ST3GAL1: variants seen among roughly 807,000 people sequenced by gnomAD.
The protein encoded by ST3GAL1 is CMP-N-acetylneuraminate-beta-galactosamide-alpha-2,3-sialyltransferase 1.
Under a neutral mutation model 34.1 loss-of-function variants are expected in ST3GAL1, and 16 were observed. The observed-to-expected ratio is 0.47, with a 90% confidence interval of 0.32 to 0.71. The LOEUF (loss-of-function observed/expected upper bound fraction) is 0.71, where lower values mean the gene tolerates loss of function less well. Ranked by LOEUF, ST3GAL1 falls within the 30% of genes least tolerant of loss-of-function variation. The pLI is 0.04. For missense variants in ST3GAL1, 353 were observed against 447.4 expected (o/e 0.79, Z 1.90); for synonymous variants, 191 against 184.7 (o/e 1.03, Z -0.28).
At chr8:133,493,151 G>T (rs967210919) in intron 3 of ST3GAL1, among the ~76,000 whole-genome samples, 1 of 152,156 alleles carries the variant, frequency 6.6e-6, no homozygotes, top group African/African-American at 2.4e-5. Flanking sequence ...AGGACTGGAC[G>T]CACTGTCCCC....
At chr8:133,471,484 C>T (rs956704177) in intron 5 of ST3GAL1, among the ~76,000 whole-genome samples, 3 of 152,218 alleles carry the variant, frequency 2.0e-5, no homozygotes, top group African/African-American at 7.2e-5. Context: ...GGCAGCTTCT[C>T]ACTGAGTTTC....
At chr8:133,507,223 T>A (rs1817369764) in intron 2 of ST3GAL1, among the ~76,000 whole-genome samples, 1 of 152,224 alleles carries the variant, frequency 6.6e-6, no homozygotes, top group African/African-American at 2.4e-5. Context: ...AAGATGGACA[T>A]TCTCAACTCC....
chr8:133,500,431 T>G (rs1018257015), intron 2 of ST3GAL1, among the ~76,000 whole-genome samples: 3 of 152,206 alleles, frequency 2.0e-5, no homozygotes, highest in Non-Finnish European at 4.4e-5. Flanking sequence ...TAAGTACTTT[T>G]CAGAACAAGC....
chr8:133,460,613 C>T (rs1275206040), intron 9 of ST3GAL1, among the ~76,000 whole-genome samples: 1 of 152,210 alleles, frequency 6.6e-6, no homozygotes, highest in Non-Finnish European at 1.5e-5. Context: ...TGATCAGATG[C>T]CAGCTGGGCA....
chr8:133,525,243 T>G (rs981536993), intron 2 of ST3GAL1, among the ~76,000 whole-genome samples: 2 of 152,140 alleles, frequency 1.3e-5, no homozygotes, highest in Admixed American at 1.3e-4. Context: ...AGAAGACACA[T>G]AGTGGGTAGC....
At chr8:133,551,590 GA>G (rs1254196362) in intron 1 of ST3GAL1, among the ~76,000 whole-genome samples, 4 of 150,058 alleles carry the variant, frequency 2.7e-5, no homozygotes, top group African/African-American at 7.5e-5. Flanking sequence ...AAGAAAGAAA[GA>G]AAGAAAGAAA....
chr8:133,559,509 TA>T (rs979848888), intron 1 of ST3GAL1, among the ~76,000 whole-genome samples: 1 of 152,244 alleles, frequency 6.6e-6, no homozygotes, highest in Admixed American at 6.5e-5. Flanking sequence ...GACTGAATTT[TA>T]AAACATAAGA....
intron 3 of ST3GAL1, among the ~76,000 whole-genome samples, chr8:133,484,876 G>A (rs1453125975): frequency 6.6e-6 from 1 of 152,174 alleles, no homozygotes; most frequent in Non-Finnish European, 1.5e-5. Context: ...CTTTGCTGAT[G>A]TCCTTAACCC....
At chr8:133,501,930 G>T (rs938011364) in intron 2 of ST3GAL1, among the ~76,000 whole-genome samples, 3 of 152,148 alleles carry the variant, frequency 2.0e-5, no homozygotes, top group Admixed American at 1.3e-4. Flanking sequence ...ATGGTGGCTT[G>T]GCCAAAGTCT....
chr8:133,551,588 AAG>A (rs1440624288), intron 1 of ST3GAL1, among the ~76,000 whole-genome samples: 1 of 149,526 alleles, frequency 6.7e-6, no homozygotes, highest in Non-Finnish European at 1.5e-5. Flanking sequence ...GAAAGAAAGA[AAG>A]AAAGAAAGAA....
intron 7 of ST3GAL1, among the ~76,000 whole-genome samples, chr8:133,464,532 C>T (rs151082400): frequency 1.9e-3 from 293 of 152,310 alleles, no homozygotes; most frequent in African/African-American, 6.7e-3. Context: ...GTCTCCAGGG[C>T]GCGTGGAGGT....
chr8:133,519,160 A>G (rs1210664952), intron 2 of ST3GAL1, among the ~76,000 whole-genome samples: 1 of 152,168 alleles, frequency 6.6e-6, no homozygotes, highest in African/African-American at 2.4e-5. Flanking sequence ...AGCAATCAGA[A>G]ATGCAAATAA....
rs867895003 is a variant in ST3GAL1, at chr8:133,557,925, G to A, written c.-581-11999C>T. 5.2e-3 allele frequency among the ~76,000 whole-genome samples: 717 copies of A among 138,266 alleles called. 6 individuals carry two copies. Among genetic ancestry groups the A allele is most frequent in the African/African-American group, 0.019 (669 of 35,834 alleles). The allele number at this position is 138,266 out of a possible 152,430, so 90.7% of individuals were successfully genotyped here. A position where few individuals can be genotyped will look rare whatever the true frequency, so the allele number is the denominator to read the frequency against. ...GTCTCAAAAAAAAAAAAAAAAAAAA[G>A]AGGCCAGTGTCTTGAGGTCCCCCTC... On this transcript the variant is annotated intron_variant, in intron 1 of 9. Coordinates refer to ENST00000522652, the MANE Select transcript of ST3GAL1 (RefSeq NM_173344.3).
chr8:133,515,839 C>T (rs1397809161), intron 2 of ST3GAL1: 1 of 151,962 alleles, frequency 6.6e-6, no homozygotes, highest in Non-Finnish European at 1.5e-5. Flanking sequence ...ATTATGTTAG[C>T]TTTTATTATG....
At chr8:133,500,741 G>C (rs187940435) in intron 2 of ST3GAL1, among the ~76,000 whole-genome samples, 2 of 152,288 alleles carry the variant, frequency 1.3e-5, no homozygotes, top group East Asian at 3.9e-4. Context: ...AGTGCGTAAA[G>C]CATGCTTGGC....
Position 133,459,538 on chromosome 8 carries a change from G to A in ST3GAL1, c.*226C>T, listed in dbSNP as rs1815418634. ...TCTAGGGCAGCAGTGGGGGGACGTTGTCCCCACTCAAGACAGGTTCCAAGA... is the reference window on the plus strand; with the variant it reads ...TCTAGGGCAGCAGTGGGGGGACGTTATCCCCACTCAAGACAGGTTCCAAGA... On this transcript the variant is annotated 3_prime_UTR_variant, in exon 10 of 10. Transcript: ENST00000522652. The surrounding 1 kb of genome is among the most constrained non-coding windows in gnomAD (Gnocchi z 4.7). The A allele has an allele frequency of 2.3e-6, 1 of 439,386 alleles. No individual in the cohort carries two copies. The highest frequency in any genetic ancestry group is 4.0e-6 in the Non-Finnish European group (1 of 252,954). The allele number at this position is 439,386 out of a possible 1,614,324, so 27.2% of individuals were successfully genotyped here.
chr8:133,520,257 G>A (rs1165233136), intron 2 of ST3GAL1, among the ~76,000 whole-genome samples: 1 of 152,222 alleles, frequency 6.6e-6, no homozygotes, highest in Non-Finnish European at 1.5e-5. Context: ...TGGAGCCGGG[G>A]ACAACTCGCA....
intron 1 of ST3GAL1, among the ~76,000 whole-genome samples, chr8:133,564,805 A>G (rs942971345): frequency 7.9e-5 from 12 of 152,236 alleles, no homozygotes; most frequent in African/African-American, 2.7e-4. Flanking sequence ...CCTTCATGAT[A>G]GAAGAGGAAG....
At chr8:133,480,918 G>T (rs766531192) in intron 3 of ST3GAL1, among the ~76,000 whole-genome samples, 1 of 152,114 alleles carries the variant, frequency 6.6e-6, no homozygotes, top group Admixed American at 6.6e-5. Context: ...CATTTCAGTG[G>T]TGTCTTTTAG....
Sources: allele counts gnomAD v4.1 joint callset (sites outside exome capture counted in the v4.1 genomes callset), GRCh38; gene constraint gnomAD v4.1.1; non-coding constraint Gnocchi (gnomAD v3.1); transcripts MANE v1.5; gene names NCBI Gene and HGNC (gene_info 2026-07-23, HGNC 2026-07-21).